WWOX: variants seen among roughly 807,000 people sequenced by gnomAD.
WWOX encodes WW domain-containing oxidoreductase.
WWOX carries 69 observed loss-of-function variants against 46.2 expected under a neutral mutation model. That is an observed-to-expected ratio of 1.49 (90% CI 1.23 to 1.82). The LOEUF is 1.82. WWOX is among the 40% of genes most tolerant of loss of function. WWOX has a pLI of 0.00. For synonymous variants in WWOX, 359 were observed against 202.6 expected (o/e 1.77, Z -6.56); for missense variants, 919 against 542.6 (o/e 1.69, Z -6.89).
At chr16:78,384,334 A>G (rs1274587094) in intron 5 of WWOX, among the ~76,000 whole-genome samples, 1 of 152,136 alleles carries the variant, frequency 6.6e-6, no homozygotes, top group East Asian at 1.9e-4. Flanking sequence ...TAGGATGAGG[A>G]TGAAAGGTCA....
At chr16:78,734,472 T>C (rs975977057) in intron 8 of WWOX, among the ~76,000 whole-genome samples, 1 of 151,962 alleles carries the variant, frequency 6.6e-6, no homozygotes, top group Non-Finnish European at 1.5e-5. Flanking sequence ...AATCTTACGG[T>C]CTGCGGGTTG....
intron 8 of WWOX, among the ~76,000 whole-genome samples, chr16:79,176,021 G>A (rs1388293966): frequency 6.6e-6 from 1 of 152,138 alleles, no homozygotes; most frequent in Non-Finnish European, 1.5e-5. Flanking sequence ...CTATGAAACT[G>A]GATTTTCCCT....
chr16:78,364,905 T>C (rs926682619), intron 5 of WWOX, among the ~76,000 whole-genome samples: 4 of 152,182 alleles, frequency 2.6e-5, no homozygotes. Context: ...TCCCATTCTG[T>C]CTAGGTACCT....
At chr16:78,853,172 A>G (rs1453296018) in intron 8 of WWOX, among the ~76,000 whole-genome samples, 2 of 152,216 alleles carry the variant, frequency 1.3e-5, no homozygotes, top group Non-Finnish European at 2.9e-5. Flanking sequence ...GTTGCCATGT[A>G]TAGCCATGGC....
chr16:78,279,994 T>A (rs1597439624), intron 5 of WWOX, among the ~76,000 whole-genome samples: 1 of 152,256 alleles, frequency 6.6e-6, no homozygotes, highest in East Asian at 1.9e-4. Context: ...GTTTCCCCTC[T>A]TTCTGATCCT....
At chr16:78,806,974 G>A (rs781689255) in intron 8 of WWOX, among the ~76,000 whole-genome samples, 31 of 152,188 alleles carry the variant, frequency 2.0e-4, no homozygotes, top group Middle Eastern at 3.2e-3. Context: ...CCACATGACT[G>A]GGTCTTAGCA....
intron 8 of WWOX, among the ~76,000 whole-genome samples, chr16:79,144,723 C>T (rs80291229): frequency 0.014 from 2,115 of 152,188 alleles, 29 homozygotes; most frequent in East Asian, 0.027. Context: ...GTACAGTAGT[C>T]CTTAATTACA....
chr16:78,250,484 A>G (rs1183020532), intron 5 of WWOX, among the ~76,000 whole-genome samples: 1 of 152,020 alleles, frequency 6.6e-6, no homozygotes, highest in Non-Finnish European at 1.5e-5. Flanking sequence ...TGCCCAACAG[A>G]TAGAAACTAT....
chr16:79,029,166 G>A (rs1244620668), intron 8 of WWOX, among the ~76,000 whole-genome samples: 1 of 152,176 alleles, frequency 6.6e-6, no homozygotes, highest in African/African-American at 2.4e-5. Flanking sequence ...GCCTACCTCT[G>A]GAGGCCCCAG....
chr16:78,448,311 T>C (rs1000614763), intron 8 of WWOX, among the ~76,000 whole-genome samples: 2 of 152,144 alleles, frequency 1.3e-5, no homozygotes, highest in Non-Finnish European at 2.9e-5. Flanking sequence ...ACTCTATGTA[T>C]TAGTTATCTA....
intron 8 of WWOX, among the ~76,000 whole-genome samples, chr16:78,720,078 G>A (rs1211366613): frequency 3.3e-5 from 5 of 152,018 alleles, no homozygotes; most frequent in African/African-American, 7.2e-5. Context: ...CAATTTAATC[G>A]TATTGTTATT....
intron 8 of WWOX, among the ~76,000 whole-genome samples, chr16:78,626,868 A>G (rs2046322799): frequency 6.6e-6 from 1 of 152,016 alleles, no homozygotes; most frequent in South Asian, 2.1e-4. Context: ...ATCCTATACT[A>G]CTTTATTTAT....
At chr16:78,330,010 C>G (rs146035650) in intron 5 of WWOX, among the ~76,000 whole-genome samples, 3 of 152,268 alleles carry the variant, frequency 2.0e-5, no homozygotes, top group African/African-American at 4.8e-5. Flanking sequence ...CAGCCTTGTC[C>G]TCCCAAAGTA....
intron 8 of WWOX, among the ~76,000 whole-genome samples, chr16:78,609,312 C>T (rs1567433630): frequency 6.6e-6 from 1 of 151,884 alleles, no homozygotes; most frequent in Non-Finnish European, 1.5e-5. Flanking sequence ...CTTTGATAAC[C>T]TCATTTTCAA....
At chr16:78,744,807 A>C (rs2049310187) in intron 8 of WWOX, among the ~76,000 whole-genome samples, 1 of 152,180 alleles carries the variant, frequency 6.6e-6, no homozygotes, top group Admixed American at 6.5e-5. Context: ...ATTAAAAAGT[A>C]AAACTGGTTG....
At chr16:78,253,010 T>C (rs1200753072) in intron 5 of WWOX, among the ~76,000 whole-genome samples, 1 of 152,224 alleles carries the variant, frequency 6.6e-6, no homozygotes, top group Non-Finnish European at 1.5e-5. Flanking sequence ...TCTATTTACG[T>C]AGGCCCTTTA....
intron 7 of WWOX, among the ~76,000 whole-genome samples, chr16:78,431,448 C>G (rs564506956): frequency 6.6e-6 from 1 of 152,130 alleles, no homozygotes; most frequent in African/African-American, 2.4e-5. Context: ...ATATACAGGA[C>G]TCAAGCATTA....
At chr16:78,788,579 G>A (rs1012476882) in intron 8 of WWOX, among the ~76,000 whole-genome samples, 3 of 152,330 alleles carry the variant, frequency 2.0e-5, no homozygotes, top group Non-Finnish European at 2.9e-5. Context: ...TGCCTAGGAA[G>A]GGCTGGAAAG....
At chr16:78,608,815 C>A (rs974303838) in intron 8 of WWOX, among the ~76,000 whole-genome samples, 6 of 152,146 alleles carry the variant, frequency 3.9e-5, no homozygotes, top group African/African-American at 1.4e-4. Context: ...CTGTTCCCTC[C>A]CTTTATTTTT....
Sources: allele counts gnomAD v4.1 joint callset (sites outside exome capture counted in the v4.1 genomes callset), GRCh38; gene constraint gnomAD v4.1.1; transcripts MANE v1.5; gene names NCBI Gene and HGNC (gene_info 2026-07-23, HGNC 2026-07-21).